Variants in NAV1 observed in about 807,000 individuals in gnomAD.
NAV1 encodes neuron navigator 1, also known as pore membrane and/or filament interacting like protein 3.
In NAV1, 18 loss-of-function variants were observed where a neutral mutation model predicts 175.2. That is an observed-to-expected ratio of 0.10 (90% CI 0.07 to 0.15). The LOEUF (loss-of-function observed/expected upper bound fraction) is 0.15, where lower values mean the gene tolerates loss of function less well. NAV1 is among the 10% of genes least tolerant of loss of function. The pLI is 1.00. For synonymous variants in NAV1, 897 were observed against 978.7 expected (o/e 0.92, Z 1.56); for missense variants, 1,731 against 2,436.6 (o/e 0.71, Z 6.10).
chr1:201,783,661 G>T (rs1676494298), exon 7 of NAV1: 8 of 1,614,232 alleles, frequency 5.0e-6, no homozygotes, highest in Non-Finnish European at 5.9e-6. Context: ...TGCCAAAAGA[G>T]ACCCGCATGT....
intron 2 of NAV1, among the ~76,000 whole-genome samples, chr1:201,642,265 TG>T (rs1248253858): frequency 6.7e-6 from 1 of 150,132 alleles, no homozygotes; most frequent in Non-Finnish European, 1.5e-5. Flanking sequence ...CAGGCTGGAG[TG>T]CAGTGGCGCG....
At chr1:201,721,370 C>T (rs919865845) in intron 3 of NAV1, among the ~76,000 whole-genome samples, 2 of 152,224 alleles carry the variant, frequency 1.3e-5, no homozygotes, top group Non-Finnish European at 2.9e-5. Flanking sequence ...AGGGAATCAA[C>T]TTATAATCCC....
intron 2 of NAV1, among the ~76,000 whole-genome samples, chr1:201,603,774 A>C (rs1252295915): frequency 6.6e-6 from 1 of 152,196 alleles, no homozygotes; most frequent in East Asian, 1.9e-4. Context: ...ACTGAGACTT[A>C]GGTTAATCAT....
At chr1:201,715,188 G>A (rs1672088206) in intron 2 of NAV1, among the ~76,000 whole-genome samples, 1 of 138,662 alleles carries the variant, frequency 7.2e-6, no homozygotes, top group South Asian at 2.2e-4. Context: ...TTTTGAGACA[G>A]AGTCTCACTG....
chr1:201,794,657 G>C (rs778717616), intron 15 of NAV1, 80 bp downstream of exon 19: 5 of 1,229,950 alleles, frequency 4.1e-6, no homozygotes, highest in South Asian at 3.7e-5. Flanking sequence ...TGGGCCCATA[G>C]TATTCCAAGT....
intron 1 of NAV1, among the ~76,000 whole-genome samples, chr1:201,664,802 G>A (rs188010608): frequency 5.4e-4 from 82 of 152,236 alleles, no homozygotes; most frequent in Non-Finnish European, 1.0e-3. Flanking sequence ...CTCATGAGCC[G>A]TGGTATGCCC....
intron 2 of NAV1, among the ~76,000 whole-genome samples, chr1:201,602,040 C>T (rs889656615): frequency 6.6e-6 from 1 of 152,118 alleles, no homozygotes; most frequent in Non-Finnish European, 1.5e-5. Context: ...ACCCACCCTT[C>T]CACTGACCCA....
chr1:201,803,410 C>A (rs1019585708), intron 15 of NAV1, among the ~76,000 whole-genome samples, 183 bp from the exon 20 acceptor site: 1 of 152,144 alleles, frequency 6.6e-6, no homozygotes, highest in African/African-American at 2.4e-5. Flanking sequence ...TGCACTTTTT[C>A]TATGTTGAAA....
At chr1:201,655,317 C>T (rs1287186035) in intron 1 of NAV1, among the ~76,000 whole-genome samples, 1 of 152,260 alleles carries the variant, frequency 6.6e-6, no homozygotes, top group Non-Finnish European at 1.5e-5. Context: ...CTGAGCCAGC[C>T]AACAAGGGGA....
chr1:201,780,709 C>T (rs1676268473), intron 4 of NAV1, 150 bp downstream of exon 8: 2 of 1,057,156 alleles, frequency 1.9e-6, no homozygotes, highest in Non-Finnish European at 2.7e-6. Context: ...GTTGCCCCCA[C>T]CCCCTCCCAA....
chr1:201,562,754 G>A (rs928302193), intron 1 of NAV1, among the ~76,000 whole-genome samples: 4 of 152,256 alleles, frequency 2.6e-5, no homozygotes, highest in East Asian at 1.9e-4. Flanking sequence ...ACTTCTAGGC[G>A]GTTGGTGCTC....
intron 1 of NAV1, among the ~76,000 whole-genome samples, chr1:201,587,328 C>T (rs1379998424): frequency 2.0e-5 from 3 of 151,288 alleles, no homozygotes; most frequent in Non-Finnish European, 2.9e-5. Context: ...AATAACTCAA[C>T]TCAAATAATG....
At position 201,616,707 on chromosome 1, in the gene NAV1, G is replaced by A. The variant is rs535083528; in HGVS notation, c.-32-6146G>A. 5.3e-5 allele frequency among the ~76,000 whole-genome samples: 8 copies of A among 152,226 alleles called. No homozygotes were observed. The South Asian group carries it at 1.2e-3, about 24-fold the overall frequency. ...TCTCCATGTTGGTCAGGCTGGTCTCGAACTCCTGACCTCAGATGATCCACC... is the reference window on the plus strand; with the variant it reads ...TCTCCATGTTGGTCAGGCTGGTCTCAAACTCCTGACCTCAGATGATCCACC... On this transcript the variant is annotated intron_variant, in intron 2 of 33. Coordinates refer to the NAV1 transcript ENST00000685211.
chr1:201,812,424 C>G lies in NAV1; in HGVS notation c.5025-41C>G. 1 of 1,595,496 alleles carries G rather than the reference C, an allele frequency of 6.3e-7. No individual in the cohort carries two copies. Among genetic ancestry groups the G allele is most frequent in the Non-Finnish European group, 8.6e-7 (1 of 1,165,138 alleles). On this transcript the variant is annotated intron_variant, in intron 26 of 29. Transcript: ENST00000367296. The surrounding 1 kb of genome is among the most constrained non-coding windows in gnomAD (Gnocchi z 4.6). ...AGGGGCTGAACCCTGACAATGTCCC[C>G]ATTGCCACTCTGACCCCACTTTCCC...
In NAV1 at chr1:201,776,661, TG is replaced by T. The variant is rs1368453925; in HGVS notation, c.1227-3759del. Among the ~76,000 whole-genome samples, 629 of 149,492 alleles carry T rather than the reference TG, an allele frequency of 4.2e-3. 5 individuals are homozygous for T. Among genetic ancestry groups the T allele is most frequent in the Non-Finnish European group, 6.2e-3 (419 of 67,478 alleles). ...ATCTCAAAAAAAAAAAAAAAAGAGTTGTTTTTTTTTAAAGGTACTAGAAAAT... is the reference window on the plus strand; with the variant it reads ...ATCTCAAAAAAAAAAAAAAAAGAGTTTTTTTTTTTAAAGGTACTAGAAAAT... On this transcript the variant is annotated intron_variant, in intron 3 of 29. Coordinates refer to ENST00000367296, the Ensembl canonical transcript of NAV1.
chr1:201,718,365 G>A lies in NAV1; in HGVS notation c.861-25G>A, dbSNP rs758466672. The stretch of plus-strand genomic sequence containing the variant: ...ACACGGCGGCTGTGCCAAGGACTAA[G>A]TAGTGCCTTCTGCTCTCCACCCAGC... On this transcript the variant is annotated intron_variant, in intron 2 of 29. Coordinates refer to ENST00000367296, the Ensembl canonical transcript of NAV1. The surrounding 1 kb of genome is among the most constrained non-coding windows in gnomAD (Gnocchi z 4.8). The A allele has an allele frequency of 2.0e-6, 3 of 1,516,764 alleles. No individual in the cohort carries two copies. In the African/African-American group the frequency reaches 4.2e-5, roughly 21 times the overall value. 94.0% of individuals were successfully genotyped at this position (1,516,764 alleles called of 1,614,324 possible).
chr1:201,763,704 C>A (rs548585420), intron 3 of NAV1, among the ~76,000 whole-genome samples: 1 of 152,156 alleles, frequency 6.6e-6, no homozygotes. Context: ...AAGCTTTAAC[C>A]GACGGCTTGG....
chr1:201,787,745 G>A lies in NAV1; in HGVS notation c.2996-723G>A, dbSNP rs1215091646. 6.6e-6 allele frequency: 3 copies of A among 455,974 alleles called. No individual in the cohort carries two copies. The highest frequency in any genetic ancestry group is 1.3e-5 in the Non-Finnish European group (3 of 226,794). 28.2% of individuals were successfully genotyped at this position (455,974 alleles called of 1,614,324 possible). A position where few individuals can be genotyped will look rare whatever the true frequency, so the allele number is the denominator to read the frequency against. On this transcript the variant is annotated intron_variant, in intron 9 of 29. Coordinates refer to ENST00000367296, the Ensembl canonical transcript of NAV1. This position sits in a 1 kb window ranked among gnomAD's most constrained non-coding sequence, Gnocchi z 4.3. ...TGTGGGTATGAAACCCTGAAAGGCT[G>A]TAATCCCAGCAATGGGCAAAGGGGT... is the stretch of plus-strand genomic sequence containing the variant.
At chr1:201,758,073 T>C (rs1674626242) in intron 3 of NAV1, among the ~76,000 whole-genome samples, 1 of 152,168 alleles carries the variant, frequency 6.6e-6, no homozygotes, top group African/African-American at 2.4e-5. Context: ...CCATGAGGGA[T>C]TGATGTTTTG....
Sources: gnomAD v4.1 joint callset for allele counts (sites outside exome capture counted in the v4.1 genomes callset) on GRCh38, gnomAD v4.1.1 for gene constraint, Gnocchi (gnomAD v3.1) non-coding constraint, MANE v1.5 for transcripts, NCBI Gene and HGNC (gene_info 2026-07-23, HGNC 2026-07-21) for gene names.